Variants in FGF9 observed in about 807,000 individuals in gnomAD.
FGF9 encodes fibroblast growth factor 9 (glia-activating factor).
A neutral mutation model predicts 19.9 loss-of-function variants in FGF9; 3 were observed. The observed-to-expected ratio is 0.15, with a 90% CI of 0.07 to 0.39. The LOEUF is 0.39. Among genes scored for constraint, FGF9 ranks in the 10% least tolerant of loss-of-function variants. The pLI, the probability that FGF9 is intolerant of heterozygous loss-of-function variation, is 1.00. For missense variants in FGF9, 175 were observed against 256.8 expected, an observed-to-expected ratio of 0.68 and a Z score of 2.18; for synonymous variants, 107 against 106.9, an observed-to-expected ratio of 1.00 and a Z score of -0.01.
At chr13:21,678,356 T>C (rs997885886) in intron 1 of FGF9, among the ~76,000 whole-genome samples, 5 of 152,170 alleles carry the variant, frequency 3.3e-5, no homozygotes, top group Non-Finnish European at 5.9e-5. Context: ...GTTAAGGAAA[T>C]AGGTTTTGGA....
Position 21,671,838 on chromosome 13 carries a change from A to G in FGF9, c.-75A>G, listed in dbSNP as rs1871774833. The G allele has an allele frequency of 1.9e-6, 3 of 1,563,200 alleles. No homozygotes were observed. The highest frequency in any genetic ancestry group is 2.6e-6 in the Non-Finnish European group (3 of 1,133,944). On this transcript the variant is annotated 5_prime_UTR_variant, in exon 1 of 3. It adds an upstream start codon to the 5' untranslated region. Transcript: ENST00000382353. The stretch of plus-strand genomic sequence containing the variant: ...CTGCAGTAAGGGAGGGGAGTTGGAT[A>G]TACCTCGCCTAATATCTCCTGGGTT...
chr13:21,676,713 C>T (rs1417676577), intron 1 of FGF9, among the ~76,000 whole-genome samples: 1 of 152,170 alleles, frequency 6.6e-6, no homozygotes, highest in East Asian at 1.9e-4. Flanking sequence ...GACAGTCTGC[C>T]TACATTTGTG....
At chr13:21,694,139 C>T (rs375150338) in intron 2 of FGF9, among the ~76,000 whole-genome samples, 95 of 152,006 alleles carry the variant, frequency 6.2e-4, no homozygotes, top group Non-Finnish European at 1.2e-3. Flanking sequence ...AATGGAGCCC[C>T]GGGAATGTTA....
At chr13:21,688,017 G>A (rs868547355) in intron 2 of FGF9, among the ~76,000 whole-genome samples, 2 of 152,234 alleles carry the variant, frequency 1.3e-5, no homozygotes, top group African/African-American at 4.8e-5. Context: ...CACTGCATAG[G>A]CACGAAGCTC....
chr13:21,702,957 C>G lies in FGF9; in HGVS notation c.*1522C>G, dbSNP rs1311058620. 6.6e-6 allele frequency: 1 copy of G among 152,096 alleles called. No individual in the cohort carries two copies. Among genetic ancestry groups the G allele is most frequent in the Non-Finnish European group, 1.5e-5 (1 of 68,030 alleles). The allele number at this position is 152,096 out of a possible 1,614,324, so 9.4% of individuals were successfully genotyped here. ...ACTATATAGAATATCTTTTACAAGG[C>G]TTTTATAACATTTTATGCTGAAAAG... On this transcript the variant is annotated 3_prime_UTR_variant, in exon 3 of 3. Transcript: ENST00000382353.
intron 2 of FGF9, among the ~76,000 whole-genome samples, chr13:21,700,324 CAT>C (rs1423921646): frequency 6.6e-6 from 1 of 152,128 alleles, no homozygotes; most frequent in African/African-American, 2.4e-5. Context: ...AAAACTCAGT[CAT>C]GATAGAAGCA....
chr13:21,695,085 T>TGC (rs1872375983), intron 2 of FGF9, among the ~76,000 whole-genome samples: 1 of 129,494 alleles, frequency 7.7e-6, no homozygotes, highest in African/African-American at 3.3e-5. Context: ...TGTGTGTGCG[T>TGC]GTGTGTGTGT....
chr13:21,672,095 C>A lies in FGF9; in HGVS notation c.183C>A (p.Leu61=), dbSNP rs1486522742. Residue 61 remains leucine (L), a synonymous_variant, in exon 1 of 3, where the codon CTC becomes CTA. Transcript: ENST00000382353. The surrounding 1 kb of genome is among the most constrained non-coding windows in gnomAD (Gnocchi z 4.2). ...ACTTGGATCATTTAAAGGGGATTCT[C>A]AGGCGGAGGCAGCTATACTGCAGGA... is the stretch of plus-strand genomic sequence containing the variant. ...VTDLDHLKGI[L]RRRQLYCRTG... 2.5e-6 allele frequency: 4 copies of A among 1,614,118 alleles called. No individual in the cohort carries two copies. Among genetic ancestry groups the A allele is most frequent in the Non-Finnish European group, 3.4e-6 (4 of 1,180,044 alleles).
rs1871750975 is a variant in FGF9, at chr13:21,671,102, A to G, written c.-811A>G. On this transcript the variant is annotated 5_prime_UTR_variant, in exon 1 of 3. Transcript: ENST00000382353. ...CTCTGCGCGCCGGCGGGGGCTGCGC[A>G]GGAGGAGCGCTCCGCCCGGCTACAA... is the stretch of plus-strand genomic sequence containing the variant. 6.6e-6 allele frequency among the ~76,000 whole-genome samples: 1 copy of G among 152,108 alleles called. No homozygotes were observed. The highest frequency in any genetic ancestry group is 1.5e-5 in the Non-Finnish European group (1 of 67,984).
intron 2 of FGF9, among the ~76,000 whole-genome samples, chr13:21,689,448 CTT>C (rs11334264): frequency 1.3e-4 from 20 of 148,334 alleles, no homozygotes; most frequent in Middle Eastern, 7.0e-3. Context: ...CCCAAATCAT[CTT>C]TTTTTTTTTT....
intron 2 of FGF9, among the ~76,000 whole-genome samples, chr13:21,688,417 A>G (rs539341856): frequency 6.6e-6 from 1 of 152,316 alleles, no homozygotes; most frequent in African/African-American, 2.4e-5. Flanking sequence ...TGCGTGACCA[A>G]TTTTCAAAGA....
intron 1 of FGF9, among the ~76,000 whole-genome samples, chr13:21,673,806 C>A: frequency 6.6e-6 from 1 of 151,026 alleles, no homozygotes; most frequent in East Asian, 2.0e-4. Flanking sequence ...GTGTGCCAGG[C>A]GGCCGGAGCT....
At chr13:21,673,747 G>A (rs1363147904) in intron 1 of FGF9, among the ~76,000 whole-genome samples, 1 of 151,386 alleles carries the variant, frequency 6.6e-6, no homozygotes, top group African/African-American at 2.4e-5. Context: ...CACCCGCAGG[G>A]TGTCGGGGCC....
In FGF9 at chr13:21,701,185, T is replaced by C. The variant is rs1872532516; in HGVS notation, c.382-5T>C. ...CTAATGCTCTCCCTCTTTTTCTTTTTACAGGAAAAACTAACCCAAGAGTGT... is the reference window on the plus strand; with the variant it reads ...CTAATGCTCTCCCTCTTTTTCTTTTCACAGGAAAAACTAACCCAAGAGTGT... On this transcript the variant is annotated splice_polypyrimidine_tract_variant and splice_region_variant and intron_variant, in intron 2 of 2. Transcript: ENST00000382353. 6.2e-7 allele frequency: 1 copy of C among 1,612,954 alleles called. No individual in the cohort carries two copies.
Position 21,681,243 on chromosome 13 carries a change from C to G in FGF9, c.381+98C>G. 6 of 924,248 alleles carry G rather than the reference C, an allele frequency of 6.5e-6. No homozygotes were observed. In the South Asian group the frequency reaches 8.3e-5, roughly 13 times the overall value. 57.3% of individuals were successfully genotyped at this position (924,248 alleles called of 1,614,324 possible). A position where few individuals can be genotyped will look rare whatever the true frequency, so the allele number is the denominator to read the frequency against. Reference sequence around the variant, plus strand: ...AAAAGGGCCAGAAATGCAACTGAGTCTGTTTGGAAGGCGAGTGTAAGTTTT... The same window carrying G: ...AAAAGGGCCAGAAATGCAACTGAGTGTGTTTGGAAGGCGAGTGTAAGTTTT... On this transcript the variant is annotated intron_variant, in intron 2 of 2. Transcript: ENST00000382353.
intron 2 of FGF9, among the ~76,000 whole-genome samples, chr13:21,696,383 A>G (rs1303424319): frequency 6.6e-6 from 1 of 152,214 alleles, no homozygotes; most frequent in African/African-American, 2.4e-5. Context: ...TTAAATCCAC[A>G]TTCTCCACCC....
At position 21,672,286 on chromosome 13, in the gene FGF9, T is replaced by C. The variant is rs1871787044; in HGVS notation, c.277+97T>C. 1.6e-6 allele frequency: 2 copies of C among 1,281,530 alleles called. No individual in the cohort carries two copies. Among genetic ancestry groups the C allele is most frequent in the South Asian group, 1.2e-5 (1 of 83,566 alleles). 79.4% of individuals were successfully genotyped at this position (1,281,530 alleles called of 1,614,324 possible). A position where few individuals can be genotyped will look rare whatever the true frequency, so the allele number is the denominator to read the frequency against. On this transcript the variant is annotated intron_variant, in intron 1 of 2. Transcript: ENST00000382353. The surrounding 1 kb of genome is among the most constrained non-coding windows in gnomAD (Gnocchi z 4.2). ...GCCGGGTGGGGGACGTGGGAAGGGT[T>C]CTCCCCTCCTCCCCTCTTTCTCTGT...
chr13:21,679,448 A>G (rs1228530076), intron 1 of FGF9, among the ~76,000 whole-genome samples: 2 of 152,180 alleles, frequency 1.3e-5, no homozygotes, highest in Non-Finnish European at 2.9e-5. Context: ...CTTTTTTATT[A>G]GTCACATGAG....
At chr13:21,681,965 A>C (rs1207570116) in intron 2 of FGF9, among the ~76,000 whole-genome samples, 3 of 152,100 alleles carry the variant, frequency 2.0e-5, no homozygotes, top group Non-Finnish European at 4.4e-5. Context: ...TCAAACTTGT[A>C]ATGAAATTAA....
Sources: gnomAD v4.1 joint callset for allele counts (sites outside exome capture counted in the v4.1 genomes callset) on GRCh38, gnomAD v4.1.1 for gene constraint, Gnocchi (gnomAD v3.1) non-coding constraint, MANE v1.5 for transcripts, NCBI Gene and HGNC (gene_info 2026-07-23, HGNC 2026-07-21) for gene names.